Variants in TSHR observed in about 807,000 individuals in gnomAD.
TSHR encodes the protein thyroid stimulating hormone receptor.
In TSHR, 51 loss-of-function variants were observed where a neutral mutation model predicts 64.1. The observed-to-expected ratio is 0.80, with a 90% CI of 0.64 to 1.01. The LOEUF (loss-of-function observed/expected upper bound fraction) is 1.01. Among genes scored for constraint, TSHR ranks in the 50% least tolerant of loss-of-function variants. The pLI is 0.00. For missense variants in TSHR, 877 were observed against 942.8 expected, an observed-to-expected ratio of 0.93 and a Z score of 0.91; for synonymous variants, 361 against 361.9, an observed-to-expected ratio of 1.00 and a Z score of 0.03.
At chr14:81,125,436 G>A (rs542707864) in intron 8 of TSHR, among the ~76,000 whole-genome samples, 1 of 152,248 alleles carries the variant, frequency 6.6e-6, no homozygotes, top group African/African-American at 2.4e-5. Flanking sequence ...AGTAATAGTT[G>A]CATAACAGAT....
At chr14:81,133,326 G>A (rs1891326219) in intron 8 of TSHR, among the ~76,000 whole-genome samples, 1 of 152,154 alleles carries the variant, frequency 6.6e-6, no homozygotes, top group East Asian at 1.9e-4. Flanking sequence ...AATTCAGAAT[G>A]AAGAAAAATA....
intron 4 of TSHR, among the ~76,000 whole-genome samples, chr14:81,090,523 G>A (rs1331942434): frequency 1.3e-5 from 2 of 152,230 alleles, no homozygotes; most frequent in African/African-American, 2.4e-5. Context: ...TTATAGGCGT[G>A]AGCCCCTGTG....
intron 1 of TSHR, among the ~76,000 whole-genome samples, chr14:80,996,093 G>A (rs986658029): frequency 6.6e-6 from 1 of 152,036 alleles, no homozygotes; most frequent in Non-Finnish European, 1.5e-5. Flanking sequence ...TTTCTACCTC[G>A]TGTCTCCAAA....
chr14:81,139,835 C>T lies in TSHR; in HGVS notation c.849C>T (p.Cys283=), dbSNP rs1333298819. 7 of 1,614,096 alleles carry T rather than the reference C, an allele frequency of 4.3e-6. No homozygotes were observed. The highest frequency in any genetic ancestry group is 5.9e-6 in the Non-Finnish European group (7 of 1,180,038). The change falls in exon 9 of 10, where the codon TGC becomes TGT. Residue 283 remains cysteine, a synonymous_variant. Transcript: ENST00000298171. Reference sequence around the variant, plus strand: ...CTGACCTTTCTTACCCAAGCCACTGCTGTGCTTTTAAGAATCAGAAGAAAA... The same window carrying T: ...CTGACCTTTCTTACCCAAGCCACTGTTGTGCTTTTAAGAATCAGAAGAAAA... The part of the protein sequence containing the change: ...TRADLSYPSH[C]CAFKNQKKIR...
intron 8 of TSHR, among the ~76,000 whole-genome samples, chr14:81,136,859 T>C (rs1046269642): frequency 6.6e-6 from 1 of 152,174 alleles, no homozygotes; most frequent in African/African-American, 2.4e-5. Context: ...CTTTGGAATC[T>C]TCCCTCCCAG....
intron 3 of TSHR, among the ~76,000 whole-genome samples, chr14:81,069,689 A>T (rs1276344289): frequency 1.3e-5 from 2 of 152,172 alleles, no homozygotes; most frequent in African/African-American, 4.8e-5. Context: ...TTTGGTTGAG[A>T]TCACTAAAGA....
intron 1 of TSHR, among the ~76,000 whole-genome samples, chr14:81,036,292 A>C (rs997606608): frequency 1.2e-4 from 18 of 152,224 alleles, no homozygotes; most frequent in African/African-American, 4.1e-4. Flanking sequence ...AGCACATTTT[A>C]ATCAAATCAT....
intron 1 of TSHR, among the ~76,000 whole-genome samples, chr14:81,023,321 A>G (rs1301250261): frequency 1.3e-5 from 2 of 152,072 alleles, no homozygotes; most frequent in African/African-American, 4.8e-5. Flanking sequence ...ACCCACCCCC[A>G]TGATTCAATT....
chr14:81,113,825 A>G lies in TSHR; in HGVS notation c.692+5373A>G, dbSNP rs570764016. ...TCTTAAGTGTTCTGCAAATGAGAAT[A>G]TAGGTGACACTGAAGCTGGTCAGTC... On this transcript the variant is annotated intron_variant, in intron 8 of 9. Coordinates refer to ENST00000298171, the MANE Select transcript of TSHR (RefSeq NM_000369.5). Among the ~76,000 whole-genome samples, 123 of 152,282 alleles carry G rather than the reference A, an allele frequency of 8.1e-4. 1 individual carries two copies. The highest frequency in any genetic ancestry group is 1.3e-4 in the Non-Finnish European group (9 of 68,030).
chr14:80,978,181 C>T (rs1887989322), intron 1 of TSHR, among the ~76,000 whole-genome samples: 1 of 151,962 alleles, frequency 6.6e-6, no homozygotes, highest in Admixed American at 6.6e-5. Flanking sequence ...CAGGAAAGTT[C>T]TCTCACGGAA....
At chr14:81,121,280 G>C (rs1443859218) in intron 8 of TSHR, among the ~76,000 whole-genome samples, 1 of 152,156 alleles carries the variant, frequency 6.6e-6, no homozygotes, top group Non-Finnish European at 1.5e-5. Context: ...CATGTGGCCT[G>C]TGCAGGTGGG....
chr14:80,962,840 T>G (rs1887104934), intron 1 of TSHR, among the ~76,000 whole-genome samples: 1 of 152,226 alleles, frequency 6.6e-6, no homozygotes, highest in South Asian at 2.1e-4. Context: ...TTGCTACAAT[T>G]ATCTACAATC....
At position 81,047,966 on chromosome 14, in the gene TSHR, G is replaced by A. The variant is rs11626782; in HGVS notation, c.171-14182G>A. Among the ~76,000 whole-genome samples the A allele has an allele frequency of 4.0e-3, 616 of 152,208 alleles. 8 individuals carry two copies. The highest frequency in any genetic ancestry group is 0.014 in the African/African-American group (599 of 41,544). On this transcript the variant is annotated intron_variant, in intron 1 of 9. Coordinates refer to ENST00000298171, the MANE Select transcript of TSHR (RefSeq NM_000369.5). ...CGGCCTGTTCATTGGCTTTTATATA[G>A]AAGTATTAACTGAATGCCTGCTATG...
At chr14:80,963,832 G>C (rs1219444882) in intron 1 of TSHR, among the ~76,000 whole-genome samples, 1 of 152,180 alleles carries the variant, frequency 6.6e-6, no homozygotes, top group Non-Finnish European at 1.5e-5. Flanking sequence ...GAGACCTTCT[G>C]CTTCTGTTGT....
At chr14:81,030,026 T>C (rs1334831341) in intron 1 of TSHR, among the ~76,000 whole-genome samples, 2 of 152,206 alleles carry the variant, frequency 1.3e-5, no homozygotes, top group African/African-American at 4.8e-5. Flanking sequence ...AACTACCAGG[T>C]TCTTGATGTT....
At chr14:81,107,226 C>A (rs1889952298) in intron 7 of TSHR, 1 of 152,074 alleles carries the variant, frequency 6.6e-6, no homozygotes, top group African/African-American at 2.4e-5. Context: ...TTATTATTAA[C>A]CATTACCCTT....
rs372855018 is a variant in TSHR, at chr14:81,108,693, G to C, written c.692+241G>C. The C allele has an allele frequency of 2.3e-5, 37 of 1,613,804 alleles. No individual in the cohort carries two copies. The African/African-American group carries it at 4.5e-4, about 20-fold the overall frequency. ...GTATGCCATCATGATGCCTGCTAAGGCAGCCACCTTGGTGTACATGCTCAC... is the reference window on the plus strand; with the variant it reads ...GTATGCCATCATGATGCCTGCTAAGCCAGCCACCTTGGTGTACATGCTCAC... On this transcript the variant is annotated intron_variant, in intron 8 of 9. Transcript: ENST00000298171.
At chr14:81,074,288 A>C (rs1272394569) in intron 3 of TSHR, among the ~76,000 whole-genome samples, 3 of 152,182 alleles carry the variant, frequency 2.0e-5, no homozygotes, top group Non-Finnish European at 2.9e-5. Context: ...ATCTGACATT[A>C]TTGTCTGCAA....
chr14:81,126,107 T>C (rs1486005039), intron 8 of TSHR, among the ~76,000 whole-genome samples: 1 of 152,144 alleles, frequency 6.6e-6, no homozygotes, highest in Non-Finnish European at 1.5e-5. Flanking sequence ...CATCTCCTAC[T>C]ACCACAGCCA....
Sources: gnomAD v4.1 joint callset for allele counts (sites outside exome capture counted in the v4.1 genomes callset) on GRCh38, gnomAD v4.1.1 for gene constraint, MANE v1.5 for transcripts, NCBI Gene and HGNC (gene_info 2026-07-23, HGNC 2026-07-21) for gene names.